Variants in ADGRG6 observed in about 807,000 individuals in gnomAD.
ADGRG6 encodes adhesion G protein-coupled receptor G6, also known as G-protein coupled receptor 126.
Under a neutral mutation model 142.4 loss-of-function variants are expected in ADGRG6, and 84 were observed. The observed-to-expected ratio is 0.59, with a 90% CI of 0.49 to 0.71. The LOEUF is 0.71. ADGRG6 is among the 30% of genes least tolerant of loss of function. The pLI is 0.00. For missense variants in ADGRG6, 1,367 were observed against 1,466.6 expected (o/e 0.93, Z 1.11); for synonymous variants, 521 against 520.5 (o/e 1.00, Z -0.01).
At chr6:142,440,421 C>A (rs1346935383) in intron 24 of ADGRG6, among the ~76,000 whole-genome samples, 1 of 151,994 alleles carries the variant, frequency 6.6e-6, no homozygotes, top group South Asian at 2.1e-4. Flanking sequence ...CTCAGCCTCC[C>A]GAGTAGCTGG....
In ADGRG6 at chr6:142,318,279, A is replaced by T. The variant is rs1249848152; in HGVS notation, c.103+8635A>T. ...TATATTTATTATATATATTTATATT[A>T]TATATATTTATATATTATATATATT... On this transcript the variant is annotated intron_variant, in intron 2 of 24. Transcript: ENST00000367609. Among the ~76,000 whole-genome samples, 524 of 55,270 alleles carry T rather than the reference A, an allele frequency of 9.5e-3. 7 individuals are homozygous for T. The highest frequency in any genetic ancestry group is 0.047 in the East Asian group (117 of 2,484). The allele number at this position is 55,270 out of a possible 152,430, so 36.3% of individuals were successfully genotyped here. A position where few individuals can be genotyped will look rare whatever the true frequency, so the allele number is the denominator to read the frequency against.
intron 4 of ADGRG6, among the ~76,000 whole-genome samples, chr6:142,374,083 C>T (rs1296114620): frequency 2.6e-5 from 4 of 152,010 alleles, no homozygotes; most frequent in Non-Finnish European, 4.4e-5. Flanking sequence ...CTCTGTGCTA[C>T]AATGGCTGTG....
chr6:142,375,459 A>G (rs1300101817), intron 4 of ADGRG6, among the ~76,000 whole-genome samples: 3 of 152,174 alleles, frequency 2.0e-5, no homozygotes, highest in African/African-American at 7.2e-5. Context: ...CTTAATCATC[A>G]GCTTTGGGAG....
At chr6:142,355,341 G>T (rs1185435984) in intron 2 of ADGRG6, among the ~76,000 whole-genome samples, 1 of 151,668 alleles carries the variant, frequency 6.6e-6, no homozygotes, top group Non-Finnish European at 1.5e-5. Flanking sequence ...TATAGTTTAG[G>T]GTTATAATAA....
chr6:142,339,130 T>C (rs951457554), intron 2 of ADGRG6, among the ~76,000 whole-genome samples: 1 of 152,212 alleles, frequency 6.6e-6, no homozygotes, highest in Non-Finnish European at 1.5e-5. Context: ...TTTATATACA[T>C]TAATAGTCAT....
rs781032428 is a variant in ADGRG6 at position 142,443,388 on chromosome 6, A to T, written c.3626A>T (p.Asp1209Val). The T allele has an allele frequency of 1.9e-6, 3 of 1,612,464 alleles. No individual in the cohort carries two copies. Among genetic ancestry groups the T allele is most frequent in the Non-Finnish European group, 2.5e-6 (3 of 1,178,732 alleles). Residue 1209 changes from aspartate (D) to valine (V), a missense_variant, in exon 25 of 25, where the codon GAT becomes GTT. Asp to Val is a radical substitution (Grantham distance 152). Transcript: ENST00000367609. ...SLSKLAHADG[D>V]QTSIIPVHQV... ...TCAAAACTGGCCCATGCTGATGGAG[A>T]TCAAACATCAATCATCCCTGTCCAT...
chr6:142,370,448 A>G lies in ADGRG6; in HGVS notation c.724A>G (p.Lys242Glu). Residue 242 changes from lysine to glutamate, a missense_variant, in exon 4 of 25, where the codon AAA (lysine) becomes GAA (glutamate). Physicochemically the swap from Lys to Glu is moderately conservative, Grantham distance 56 (BLOSUM62 1). Transcript: ENST00000367609. ...GAATAATGCATTACCTGTCAAAGAA[A>G]AAGAAGACATTTTTGCAGAAAGCTT... ...LLNNALPVKE[K>E]EDIFAESFEQ... 1.2e-6 allele frequency: 2 copies of G among 1,613,652 alleles called. No individual in the cohort carries two copies. The highest frequency in any genetic ancestry group is 2.2e-5 in the South Asian group (2 of 91,070).
chr6:142,361,953 A>G (rs1450809960), intron 2 of ADGRG6, among the ~76,000 whole-genome samples: 1 of 152,186 alleles, frequency 6.6e-6, no homozygotes, highest in African/African-American at 2.4e-5. Context: ...TATCTACATA[A>G]CAGGCTGACT....
At chr6:142,375,222 G>A (rs748954496) in intron 4 of ADGRG6, among the ~76,000 whole-genome samples, 9 of 152,072 alleles carry the variant, frequency 5.9e-5, no homozygotes, top group Middle Eastern at 3.2e-3. Context: ...TAAGATTATC[G>A]GAGTGCATCA....
intron 2 of ADGRG6, among the ~76,000 whole-genome samples, chr6:142,318,360 A>ATATTTATATATATTTATATATTATAT: frequency 1.2e-5 from 1 of 80,586 alleles, no homozygotes; most frequent in African/African-American, 8.2e-5. Flanking sequence ...TATATTATAT[A>ATATTTATATATATTTATATATTATAT]ATATTTATAT....
In ADGRG6 at chr6:142,443,727, G is replaced by A. The variant is rs528761632; in HGVS notation, c.*212G>A. The A allele has an allele frequency of 1.4e-5, 6 of 432,036 alleles. No individual in the cohort carries two copies. The highest frequency in any genetic ancestry group is 1.2e-3 in the Middle Eastern group (2 of 1,674). The allele number at this position is 432,036 out of a possible 1,614,324, so 26.8% of individuals were successfully genotyped here. ...GTCATCACTAAAACTTCAGTACTGAGAGTAACATGACTCAGTAGCCACAGA... is the reference window on the plus strand; with the variant it reads ...GTCATCACTAAAACTTCAGTACTGAAAGTAACATGACTCAGTAGCCACAGA... On this transcript the variant is annotated 3_prime_UTR_variant, in exon 25 of 25. Transcript: ENST00000367609.
At chr6:142,359,205 A>G (rs866513262) in intron 2 of ADGRG6, among the ~76,000 whole-genome samples, 1 of 124,948 alleles carries the variant, frequency 8.0e-6, no homozygotes, top group Non-Finnish European at 1.6e-5. Context: ...AGACCCTATA[A>G]AAAAAAAAAA....
chr6:142,393,832 A>C (rs1775031857), intron 8 of ADGRG6, 64 bp from the exon 9 acceptor site: 1 of 1,026,592 alleles, frequency 9.7e-7, no homozygotes, highest in South Asian at 1.4e-5. Context: ...CAGGTCCCCA[A>C]ATTTTATTGT....
At chr6:142,397,544 T>C (rs1218430557) in intron 9 of ADGRG6, 69 bp from the exon 10 acceptor site, 16 of 1,441,734 alleles carry the variant, frequency 1.1e-5, no homozygotes, top group Non-Finnish European at 1.4e-5. Flanking sequence ...CCAAATACTC[T>C]GTTTCTCCTA....
chr6:142,334,625 A>G (rs1298361652), intron 2 of ADGRG6, among the ~76,000 whole-genome samples: 1 of 152,120 alleles, frequency 6.6e-6, no homozygotes, highest in Non-Finnish European at 1.5e-5. Context: ...CTGGAGAGTC[A>G]GGTAGCTGCT....
chr6:142,393,876 A>G lies in ADGRG6; in HGVS notation c.1362-20A>G, dbSNP rs578177092. The G allele has an allele frequency of 1.4e-6, 2 of 1,459,626 alleles. No individual in the cohort carries two copies. The highest frequency in any genetic ancestry group is 2.4e-5 in the South Asian group (2 of 82,016). 90.4% of individuals were successfully genotyped at this position (1,459,626 alleles called of 1,614,324 possible). A position where few individuals can be genotyped will look rare whatever the true frequency, so the allele number is the denominator to read the frequency against. The stretch of plus-strand genomic sequence containing the variant: ...TAGTTGGTGAGGTGGATTAATGAAT[A>G]TATGTATTTGTGTTTTTAGTTTTCA... On this transcript the variant is annotated intron_variant, in intron 8 of 24. Transcript: ENST00000367609.
chr6:142,443,410 CCATCAGGT>C lies in ADGRG6; in HGVS notation c.3652_3659del (p.Gln1218Ter). 1 of 1,610,570 alleles carries C rather than the reference CCATCAGGT, an allele frequency of 6.2e-7. No individual in the cohort carries two copies. Among genetic ancestry groups the C allele is most frequent in the Non-Finnish European group, 8.5e-7 (1 of 1,176,932 alleles). ...GAGATCAAACATCAATCATCCCTGT[CCATCAGGT>C]CATTGATAAGGTCAAGGGTTATTGC... On this transcript the variant is annotated frameshift_variant, in exon 25 of 25. Coordinates refer to ENST00000367609, the MANE Select transcript of ADGRG6 (RefSeq NM_198569.3). LOFTEE classifies it high-confidence loss of function.
At chr6:142,426,304 C>G (rs1414742705) in intron 22 of ADGRG6, among the ~76,000 whole-genome samples, 2 of 152,088 alleles carry the variant, frequency 1.3e-5, no homozygotes, top group Non-Finnish European at 2.9e-5. Flanking sequence ...ACTGCTGTTG[C>G]AATGGGAGAA....
rs778281426 is a variant in ADGRG6, at chr6:142,392,912, T to C, written c.1309-36T>C. On this transcript the variant is annotated intron_variant, in intron 7 of 24. Transcript: ENST00000367609. Reference sequence around the variant, plus strand: ...TTGAATTAGATATTTTTTAAAGGTATTAGCAAAACTCAGCCTTTTCCATTG... The same window carrying C: ...TTGAATTAGATATTTTTTAAAGGTACTAGCAAAACTCAGCCTTTTCCATTG... 6 of 1,434,148 alleles carry C rather than the reference T, an allele frequency of 4.2e-6. No homozygotes were observed. The South Asian group carries it at 7.0e-5, about 17-fold the overall frequency. The allele number at this position is 1,434,148 out of a possible 1,614,324, so 88.8% of individuals were successfully genotyped here.
Sources: allele counts gnomAD v4.1 joint callset (sites outside exome capture counted in the v4.1 genomes callset), GRCh38; gene constraint gnomAD v4.1.1; transcripts MANE v1.5; gene names NCBI Gene and HGNC (gene_info 2026-07-23, HGNC 2026-07-21).